EML1: variants seen among roughly 807,000 people sequenced by gnomAD.
The protein encoded by EML1 is echinoderm microtubule-associated protein-like 1.
Under a neutral mutation model 110.4 loss-of-function variants are expected in EML1, and 27 were observed. The ratio of observed to expected loss-of-function variants is 0.24; its 90% confidence interval spans 0.18 to 0.34. The LOEUF (loss-of-function observed/expected upper bound fraction) is 0.34. Among genes scored for constraint, EML1 ranks in the 10% least tolerant of loss-of-function variants. The pLI, the probability that EML1 is intolerant of heterozygous loss-of-function variation, is 1.00. For missense variants in EML1, 741 were observed against 1,030.9 expected, an observed-to-expected ratio of 0.72 and a Z score of 3.85; for synonymous variants, 344 against 385.8, an observed-to-expected ratio of 0.89 and a Z score of 1.27.
At chr14:99,868,665 A>G (rs900304073) in intron 3 of EML1, among the ~76,000 whole-genome samples, 3 of 151,486 alleles carry the variant, frequency 2.0e-5, no homozygotes, top group Admixed American at 1.3e-4. Flanking sequence ...ATGTCCTTTC[A>G]TTTCTAATTT....
Position 99,784,390 on chromosome 14 carries a change from G to A in EML1, c.-27+10377G>A, listed in dbSNP as rs1595276308. ...TAACAGGTGTAAGCCACTGTGCCTG[G>A]CCTGCAAGGACATTTTAAAAAGAAT... is the stretch of plus-strand genomic sequence containing the variant. On this transcript the variant is annotated intron_variant, in intron 1 of 22. Transcript: ENST00000327921. The surrounding 1 kb of genome is among the most constrained non-coding windows in gnomAD (Gnocchi z 4.5). Among the ~76,000 whole-genome samples, 2 of 152,206 alleles carry A rather than the reference G, an allele frequency of 1.3e-5. No individual in the cohort carries two copies. Among genetic ancestry groups the A allele is most frequent in the East Asian group, 3.8e-4 (2 of 5,204 alleles).
rs534362236 is a variant in EML1, at chr14:99,895,833, A to G, written c.677+1075A>G. Among the ~76,000 whole-genome samples, 3 of 152,046 alleles carry G rather than the reference A, an allele frequency of 2.0e-5. No individual in the cohort carries two copies. The South Asian group carries it at 6.2e-4, about 32-fold the overall frequency. ...CAGCTGTTCAAGAGGCTTAGATGGA[A>G]GGATCCAGGAGTTCAAGTCCAGCCT... On this transcript the variant is annotated intron_variant, in intron 6 of 21. Coordinates refer to ENST00000262233, the MANE Select transcript of EML1 (RefSeq NM_004434.3).
At chr14:99,848,092 CTG>C (rs1235838637) in intron 1 of EML1, among the ~76,000 whole-genome samples, 1 of 151,986 alleles carries the variant, frequency 6.6e-6, no homozygotes, top group Non-Finnish European at 1.5e-5. Flanking sequence ...TTTTGTACCT[CTG>C]TTACTCTTTT....
rs577962267 is a variant in EML1 at position 99,827,693 on chromosome 14, G to A, written c.68-23160G>A. 2.5e-4 allele frequency among the ~76,000 whole-genome samples: 38 copies of A among 151,946 alleles called. No homozygotes were observed. The highest frequency in any genetic ancestry group is 8.2e-4 in the African/African-American group (34 of 41,428). On this transcript the variant is annotated intron_variant, in intron 1 of 21. Coordinates refer to ENST00000262233, the MANE Select transcript of EML1 (RefSeq NM_004434.3). This position sits in a 1 kb window ranked among gnomAD's most constrained non-coding sequence, Gnocchi z 4.4. Reference sequence around the variant, plus strand: ...GGCAACCACCTGAAAGGGAGAAGACGGCCAGCGAGAGAGGCCTCAGAAGAA... The same window carrying A: ...GGCAACCACCTGAAAGGGAGAAGACAGCCAGCGAGAGAGGCCTCAGAAGAA...
upstream of EML1, among the ~76,000 whole-genome samples, chr14:99,788,920 C>A (rs541695231): frequency 1.3e-5 from 2 of 152,122 alleles, no homozygotes; most frequent in Non-Finnish European, 2.9e-5. Flanking sequence ...AGACTATTTG[C>A]GCTTTTGGGG....
chr14:99,750,085 G>A (rs1331711140), intron 1 of EML1, among the ~76,000 whole-genome samples: 1 of 152,234 alleles, frequency 6.6e-6, no homozygotes, highest in Non-Finnish European at 1.5e-5. Context: ...CAGGCCGATT[G>A]TGTGGCCGTC....
At position 99,824,753 on chromosome 14, in the gene EML1, G is replaced by T. The variant is rs567225181; in HGVS notation, c.68-26100G>T. ...GGACCCCATAGTGAGCACAATAGGC[G>T]ATTTTCAATCCTCCCCCCTCCTACC... On this transcript the variant is annotated intron_variant, in intron 1 of 21. Transcript: ENST00000262233. 1.6e-3 allele frequency among the ~76,000 whole-genome samples: 236 copies of T among 151,768 alleles called. 2 individuals are homozygous for T. Among genetic ancestry groups the T allele is most frequent in the Non-Finnish European group, 2.9e-3 (197 of 67,868 alleles).
At chr14:99,740,023 T>C (rs952758159) in intron 1 of EML1, among the ~76,000 whole-genome samples, 3 of 152,216 alleles carry the variant, frequency 2.0e-5, no homozygotes, top group Non-Finnish European at 4.4e-5. Context: ...AAGGATTAAA[T>C]GGCTAACAGC....
Position 99,914,173 on chromosome 14 carries a change from A to G in EML1, c.1495-6A>G, listed in dbSNP as rs1555404069. ...TCTTTTCTTTTCATATGACTTTTCA[A>G]TGCAGATTCCAGAACAGTTTGGTCC... On this transcript the variant is annotated splice_polypyrimidine_tract_variant and splice_region_variant and intron_variant, in intron 13 of 21. Coordinates refer to ENST00000262233, the MANE Select transcript of EML1 (RefSeq NM_004434.3). 6.3e-7 allele frequency: 1 copy of G among 1,597,546 alleles called. No homozygotes were observed.
intron 3 of EML1, among the ~76,000 whole-genome samples, chr14:99,872,437 A>G (rs1402866611): frequency 1.3e-5 from 2 of 152,210 alleles, no homozygotes; most frequent in African/African-American, 4.8e-5. Flanking sequence ...GAAACATTCT[A>G]AGGCCTCTGT....
intron 1 of EML1, among the ~76,000 whole-genome samples, chr14:99,739,091 T>TGTGTGTGTGTGTGTGTGTGAGAGA (rs112232539): frequency 7.3e-6 from 1 of 136,400 alleles, no homozygotes; most frequent in East Asian, 2.2e-4. Flanking sequence ...TGTGTGTGTG[T>TGTGTGTGTGTGTGTGTGTGAGAGA]GAGAGAGAGA....
intron 1 of EML1, among the ~76,000 whole-genome samples, chr14:99,764,630 T>C (rs2057349317): frequency 6.6e-6 from 1 of 152,182 alleles, no homozygotes; most frequent in Non-Finnish European, 1.5e-5. Context: ...GCAGGCTTCC[T>C]GGAAGTGCCG....
chr14:99,835,114 G>T (rs955272419), intron 1 of EML1, among the ~76,000 whole-genome samples: 2 of 152,152 alleles, frequency 1.3e-5, no homozygotes, highest in African/African-American at 4.8e-5. Context: ...GAGCCACCGT[G>T]CCCAGACTGT....
Position 99,914,309 on chromosome 14 carries a change from G to T in EML1, c.1620+5G>T. 6.2e-7 allele frequency: 1 copy of T among 1,604,440 alleles called. No individual in the cohort carries two copies. Among genetic ancestry groups the T allele is most frequent in the Non-Finnish European group, 8.5e-7 (1 of 1,172,432 alleles). ...GACTTCACACCCATTACTCAGGTAC[G>T]ATCCCACTCAGCAGGCCCGGCAAAC... On this transcript the variant is annotated splice_donor_5th_base_variant and intron_variant, in intron 14 of 21. Transcript: ENST00000262233.
At chr14:99,861,971 C>T (rs1222988767) in intron 2 of EML1, among the ~76,000 whole-genome samples, 1 of 152,130 alleles carries the variant, frequency 6.6e-6, no homozygotes, top group Non-Finnish European at 1.5e-5. Flanking sequence ...AATGACCATG[C>T]TCTATTGGGA....
intron 12 of EML1, 32 bp from the exon 13 acceptor site, chr14:99,911,390 T>C (rs1433742252): frequency 1.9e-6 from 3 of 1,549,060 alleles, no homozygotes; most frequent in Admixed American, 2.4e-5. Flanking sequence ...CTTTTGACAA[T>C]GTGCTAATGA....
intron 3 of EML1, chr14:99,875,047 T>TGTTTTAAC: frequency 6.5e-7 from 1 of 1,538,976 alleles, no homozygotes. Context: ...TTTCCATCTC[T>TGTTTTAAC]GTTTTAACGT....
At chr14:99,935,001 G>A (rs2060442357) in intron 17 of EML1, among the ~76,000 whole-genome samples, 1 of 152,178 alleles carries the variant, frequency 6.6e-6, no homozygotes, top group Non-Finnish European at 1.5e-5. Flanking sequence ...AGAGAGGCAG[G>A]AAGGGCTGTC....
rs75933617 is a variant in EML1, at chr14:99,762,064, G to C, written c.28+24204G>C. On this transcript the variant is annotated intron_variant, in intron 1 of 10. Transcript: ENST00000554479. ...TAGGGAAATATGTGGAGGTGGGGCTGATGGGCTCAGTGGCTGAACAGACGT... is the reference window on the plus strand; with the variant it reads ...TAGGGAAATATGTGGAGGTGGGGCTCATGGGCTCAGTGGCTGAACAGACGT... Among the ~76,000 whole-genome samples the C allele has an allele frequency of 7.9e-5, 12 of 152,290 alleles. No homozygotes were observed. The East Asian group carries it at 2.3e-3, about 29-fold the overall frequency.
Sources: gnomAD v4.1 joint callset for allele counts (sites outside exome capture counted in the v4.1 genomes callset) on GRCh38, gnomAD v4.1.1 for gene constraint, Gnocchi (gnomAD v3.1) non-coding constraint, MANE v1.5 for transcripts, NCBI Gene and HGNC (gene_info 2026-07-23, HGNC 2026-07-21) for gene names.